The following PTDSS1 variants were observed in gnomAD, a reference collection of about 807,000 sequenced individuals.
PTDSS1 encodes phosphatidylserine synthase 1.
A neutral mutation model predicts 70.5 loss-of-function variants in PTDSS1; 45 were observed. The observed-to-expected ratio is 0.64, with a 90% CI of 0.50 to 0.82. PTDSS1 has a LOEUF of 0.82. Among genes scored for constraint, PTDSS1 ranks in the 40% least tolerant of loss-of-function variants. PTDSS1 has a pLI of 0.00. For synonymous variants in PTDSS1, 188 were observed against 203.8 expected, an observed-to-expected ratio of 0.92 and a Z score of 0.66; for missense variants, 417 against 586.1, an observed-to-expected ratio of 0.71 and a Z score of 2.98.
chr8:96,284,128 T>C lies in PTDSS1; in HGVS notation c.291T>C (p.His97=). 6 of 1,610,652 alleles carry C rather than the reference T, an allele frequency of 3.7e-6. No homozygotes were observed. The highest frequency in any genetic ancestry group is 5.1e-6 in the Non-Finnish European group (6 of 1,177,324). ...CTGCAGGTCCGTTCACTCGACCTCA[T>C]CCAGCCTTATGGCGAATGGTTTTTG... ...AFPNGPFTRP[H]PALWRMVFGL... The change falls in exon 3 of 13, where the codon CAT becomes CAC. Residue 97 remains histidine, a synonymous_variant. Transcript: ENST00000517309.
chr8:96,336,652 G>A lies in PTDSS1; in HGVS notation c.*3086G>A, dbSNP rs1811597102. ...TATGACAACTAGAAATCCCACAGTA[G>A]ACTAGACAGTGCTCCCTACCATTTC... On this transcript the variant is annotated 3_prime_UTR_variant, in exon 13 of 13. Transcript: ENST00000517309. 1 of 151,918 alleles carries A rather than the reference G, an allele frequency of 6.6e-6. No individual in the cohort carries two copies. Among genetic ancestry groups the A allele is most frequent in the Non-Finnish European group, 1.5e-5 (1 of 68,050 alleles). 9.4% of individuals were successfully genotyped at this position (151,918 alleles called of 1,614,324 possible). A position where few individuals can be genotyped will look rare whatever the true frequency, so the allele number is the denominator to read the frequency against.
At chr8:96,316,940 G>A (rs1300610228) in intron 9 of PTDSS1, among the ~76,000 whole-genome samples, 15 of 151,994 alleles carry the variant, frequency 9.9e-5, no homozygotes, top group African/African-American at 3.4e-4. Flanking sequence ...GTTGCAGTGA[G>A]CTGAGATTGC....
At chr8:96,331,353 C>G (rs755238094) in intron 12 of PTDSS1, among the ~76,000 whole-genome samples, 21 of 151,792 alleles carry the variant, frequency 1.4e-4, no homozygotes, top group Non-Finnish European at 2.2e-4. Flanking sequence ...CATGGTGACA[C>G]CCCCGTCTCT....
chr8:96,268,315 A>G (rs1247132906), intron 1 of PTDSS1, among the ~76,000 whole-genome samples: 1 of 152,190 alleles, frequency 6.6e-6, no homozygotes, highest in African/African-American at 2.4e-5. Flanking sequence ...TTTTATTGGG[A>G]GAGATGATCC....
Position 96,275,120 on chromosome 8 carries a change from G to A in PTDSS1, c.271+1730G>A, listed in dbSNP as rs114367873. Among the ~76,000 whole-genome samples, 889 of 152,152 alleles carry A rather than the reference G, an allele frequency of 5.8e-3. 11 individuals are homozygous for A. Among genetic ancestry groups the A allele is most frequent in the African/African-American group, 0.02 (836 of 41,490 alleles). ...TGGGTAAGTCATGGAATAAAGGGGT[G>A]TTGACCCTGCTATTGAATTTTTAAT... On this transcript the variant is annotated intron_variant, in intron 2 of 12. Transcript: ENST00000517309.
chr8:96,265,728 C>T (rs375701348), intron 1 of PTDSS1, among the ~76,000 whole-genome samples: 55 of 152,342 alleles, frequency 3.6e-4, no homozygotes, highest in African/African-American at 1.2e-3. Context: ...ATACTCCAGC[C>T]TCCACCCTAC....
chr8:96,284,242 A>G, intron 3 of PTDSS1, 89 bp downstream of exon 3: 1 of 1,212,708 alleles, frequency 8.2e-7, no homozygotes, highest in Middle Eastern at 2.5e-4. Context: ...TGCTACTCTC[A>G]ATAGTTAAAA....
At chr8:96,284,063 C>T (rs1314084213) in intron 2 of PTDSS1, 46 bp from the exon 3 acceptor site, 9 of 1,509,936 alleles carry the variant, frequency 6.0e-6, no homozygotes, top group African/African-American at 1.4e-5. Flanking sequence ...TTTTAGCCTT[C>T]TCTGAAACCA....
intron 2 of PTDSS1, 27 bp from the exon 3 acceptor site, chr8:96,284,082 T>C: frequency 1.3e-6 from 2 of 1,585,940 alleles, no homozygotes; most frequent in South Asian, 2.3e-5. Context: ...CAGTTCCTTC[T>C]AACTTTATAA....
chr8:96,306,676 A>G lies in PTDSS1; in HGVS notation c.1007+120A>G, dbSNP rs1811129252. 5.2e-6 allele frequency: 4 copies of G among 770,842 alleles called. No individual in the cohort carries two copies. In the South Asian group the frequency reaches 6.7e-5, roughly 13 times the overall value. The allele number at this position is 770,842 out of a possible 1,614,324, so 47.8% of individuals were successfully genotyped here. A position where few individuals can be genotyped will look rare whatever the true frequency, so the allele number is the denominator to read the frequency against. On this transcript the variant is annotated intron_variant, in intron 8 of 12. Transcript: ENST00000517309. ...TTCCATGAAAATACCATCGTAAAGA[A>G]TTGTACATCCAGAATATGACGAAAA...
chr8:96,295,550 G>T (rs947635680), intron 5 of PTDSS1, among the ~76,000 whole-genome samples: 10 of 152,168 alleles, frequency 6.6e-5, no homozygotes, highest in Admixed American at 6.5e-4. Context: ...ACAAATAAAT[G>T]GGAATGAGGA....
chr8:96,331,161 T>A (rs1811510965), intron 12 of PTDSS1, 66 bp downstream of exon 12: 2 of 1,432,492 alleles, frequency 1.4e-6, no homozygotes, highest in Non-Finnish European at 2.0e-6. Context: ...TATTACCTAT[T>A]CTTTGAGTGG....
intron 1 of PTDSS1, among the ~76,000 whole-genome samples, chr8:96,272,097 G>A (rs1215958609): frequency 6.6e-6 from 1 of 152,048 alleles, no homozygotes; most frequent in Non-Finnish European, 1.5e-5. Flanking sequence ...TGATTTTGGG[G>A]AAAATGCTTT....
intron 9 of PTDSS1, among the ~76,000 whole-genome samples, chr8:96,313,583 G>A (rs1251801390): frequency 2.0e-5 from 3 of 152,176 alleles, no homozygotes; most frequent in South Asian, 2.1e-4. Flanking sequence ...GCCAAGCGTC[G>A]GCTGAACAGC....
In PTDSS1 at chr8:96,262,634, T is replaced by A; in HGVS notation, c.179+415T>A. On this transcript the variant is annotated intron_variant, in intron 1 of 12. Transcript: ENST00000517309. The surrounding 1 kb of genome is among the most constrained non-coding windows in gnomAD (Gnocchi z 4.4). ...CACTTTCAGCACACACCGCTACACA[T>A]ACAAAGCACCCCAATCCACAGCGCC... 6.6e-6 allele frequency among the ~76,000 whole-genome samples: 1 copy of A among 151,904 alleles called. No homozygotes were observed. The highest frequency in any genetic ancestry group is 1.9e-4 in the East Asian group (1 of 5,182).
chr8:96,264,661 T>C (rs141222893), intron 1 of PTDSS1, among the ~76,000 whole-genome samples: 2 of 152,318 alleles, frequency 1.3e-5, no homozygotes, highest in East Asian at 3.9e-4. Context: ...TTTAATATTA[T>C]TCTAGGTCCT....
Position 96,262,738 on chromosome 8 carries a change from G to A in PTDSS1, c.179+519G>A, listed in dbSNP as rs1415056442. ...TCCGGTATTCGGCACTATCCGTAAC[G>A]CACAAAAAATGCACATGTGTGCTGC... On this transcript the variant is annotated intron_variant, in intron 1 of 12. Transcript: ENST00000517309. This position sits in a 1 kb window ranked among gnomAD's most constrained non-coding sequence, Gnocchi z 4.4. Among the ~76,000 whole-genome samples, 1 of 152,134 alleles carries A rather than the reference G, an allele frequency of 6.6e-6. No homozygotes were observed. Among genetic ancestry groups the A allele is most frequent in the African/African-American group, 2.4e-5 (1 of 41,432 alleles).
At chr8:96,303,501 C>A (rs1279363852) in intron 6 of PTDSS1, among the ~76,000 whole-genome samples, 2 of 152,166 alleles carry the variant, frequency 1.3e-5, no homozygotes, top group Non-Finnish European at 2.9e-5. Context: ...GGTTTTGGCT[C>A]TCCTGGACTA....
intron 9 of PTDSS1, among the ~76,000 whole-genome samples, chr8:96,316,483 T>C (rs1178241253): frequency 2.0e-5 from 3 of 152,056 alleles, no homozygotes; most frequent in Non-Finnish European, 4.4e-5. Context: ...CCGCATATGC[T>C]CACTTAAAAG....
Sources: gnomAD v4.1 joint callset for allele counts (sites outside exome capture counted in the v4.1 genomes callset) on GRCh38, gnomAD v4.1.1 for gene constraint, Gnocchi (gnomAD v3.1) non-coding constraint, MANE v1.5 for transcripts, NCBI Gene and HGNC (gene_info 2026-07-23, HGNC 2026-07-21) for gene names.